The following SPAG7 variants were observed in gnomAD, a reference collection of about 807,000 sequenced individuals.
SPAG7 encodes sperm associated antigen 7, also known as sperm-associated antigen 7.
SPAG7 carries 20 observed loss-of-function variants against 30.6 expected under a neutral mutation model. The observed-to-expected ratio is 0.65, with a 90% CI of 0.46 to 0.95. The LOEUF is 0.95. Ranked by LOEUF, SPAG7 falls within the 40% of genes least tolerant of loss-of-function variation. The pLI, the probability that SPAG7 is intolerant of heterozygous loss-of-function variation, is 0.00. For missense variants in SPAG7, 276 were observed against 291.1 expected (o/e 0.95, Z 0.38); for synonymous variants, 127 against 104.2 (o/e 1.22, Z -1.33).
chr17:4,959,935 G>A lies in SPAG7; in HGVS notation c.418-19C>T, dbSNP rs577157595. On this transcript the variant is annotated intron_variant, in intron 5 of 6. Transcript: ENST00000206020. ...CCAGCTCCTAGGGGTGAAAGTGGGG[G>A]CACTGGTGCTCAGGGCCCCAGCCCA... 8 of 1,612,780 alleles carry A rather than the reference G, an allele frequency of 5.0e-6. No homozygotes were observed. The highest frequency in any genetic ancestry group is 2.2e-5 in the South Asian group (2 of 91,084).
chr17:4,967,566 G>A (rs1183271067), intron 1 of SPAG7, among the ~76,000 whole-genome samples, 154 bp downstream of exon 1: 1 of 152,068 alleles, frequency 6.6e-6, no homozygotes, highest in Non-Finnish European at 1.5e-5. Context: ...TAAGAACAGC[G>A]GGCGTGTCAG....
At chr17:4,964,607 C>T (rs1001602539) in intron 1 of SPAG7, among the ~76,000 whole-genome samples, 3 of 151,934 alleles carry the variant, frequency 2.0e-5, no homozygotes, top group African/African-American at 2.4e-5. Flanking sequence ...ATGATCCACC[C>T]GCCTCGGCCT....
chr17:4,959,937 A>G, intron 5 of SPAG7, 21 bp from the exon 6 acceptor site: 2 of 1,612,792 alleles, frequency 1.2e-6, no homozygotes, highest in Non-Finnish European at 1.7e-6. Flanking sequence ...AAGTGGGGGC[A>G]CTGGTGCTCA....
intron 1 of SPAG7, among the ~76,000 whole-genome samples, chr17:4,962,738 C>CG (rs1971883726): frequency 1.3e-5 from 2 of 151,672 alleles, no homozygotes; most frequent in South Asian, 4.2e-4. Flanking sequence ...TTATTAGAGA[C>CG]GGGGTTTCAC....
intron 1 of SPAG7, among the ~76,000 whole-genome samples, chr17:4,961,565 C>T (rs1447805508): frequency 6.7e-6 from 1 of 148,766 alleles, no homozygotes; most frequent in Non-Finnish European, 1.5e-5. Context: ...ACCATCCTGA[C>T]TAACACGGTG....
At position 4,960,005 on chromosome 17, in the gene SPAG7, T is replaced by C. The variant is rs1971834792; in HGVS notation, c.417+17A>G. 1 of 1,613,826 alleles carries C rather than the reference T, an allele frequency of 6.2e-7. No individual in the cohort carries two copies. The highest frequency in any genetic ancestry group is 8.5e-7 in the Non-Finnish European group (1 of 1,179,922). ...TGGTGGGCTTCTGGACCCCAAGGGCTGCAAAGCATAGCTCACCTTCAGCTT... is the reference window on the plus strand; with the variant it reads ...TGGTGGGCTTCTGGACCCCAAGGGCCGCAAAGCATAGCTCACCTTCAGCTT... On this transcript the variant is annotated intron_variant, in intron 5 of 6. Transcript: ENST00000206020.
chr17:4,964,224 G>A (rs897132802), intron 1 of SPAG7, among the ~76,000 whole-genome samples: 13 of 152,082 alleles, frequency 8.5e-5, no homozygotes, highest in Non-Finnish European at 1.8e-4. Context: ...TTTCTAACCC[G>A]GGCCCTCCAT....
intron 1 of SPAG7, chr17:4,966,979 G>A (rs1399078890): frequency 2.0e-6 from 2 of 985,488 alleles, no homozygotes; most frequent in Non-Finnish European, 2.4e-6. Flanking sequence ...GAGCAGCCCC[G>A]GGGAGGCTCC....
chr17:4,960,380 T>A, intron 3 of SPAG7, 62 bp from the exon 4 acceptor site: 1 of 1,598,714 alleles, frequency 6.3e-7, no homozygotes, highest in Non-Finnish European at 8.6e-7. Context: ...AGTGCCCTCC[T>A]CTGGAGGAGC....
intron 1 of SPAG7, chr17:4,966,877 G>A (rs1292211102): frequency 2.0e-6 from 2 of 985,404 alleles, no homozygotes; most frequent in African/African-American, 3.5e-5. Context: ...GGGGCACGTG[G>A]GGAGCTGGGA....
Position 4,960,081 on chromosome 17 carries a change from A to G in SPAG7, c.358T>C (p.Ser120Pro). The G allele has an allele frequency of 6.2e-7, 1 of 1,614,136 alleles. No individual in the cohort carries two copies. The highest frequency in any genetic ancestry group is 1.1e-5 in the South Asian group (1 of 91,084). The part of the protein sequence containing the change: ...EFAPSDEELD[S>P]YRRGEEWDPQ... ...TCCCATTCCTCTCCACGACGGTAAG[A>G]GTCTAGCTCTTCATCTGAGGGTGCA... is the stretch of plus-strand genomic sequence containing the variant. Residue 120 changes from serine (S) to proline (P), a missense_variant, in exon 5 of 7, where the codon TCT (serine) becomes CCT (proline). Physicochemically the swap from Ser to Pro is moderately conservative, Grantham distance 74 (BLOSUM62 -1). Transcript: ENST00000206020.
chr17:4,960,241 A>G lies in SPAG7; in HGVS notation c.320T>C (p.Phe107Ser). Residue 107 changes from phenylalanine to serine, a missense_variant, in exon 4 of 7, where the codon TTC becomes TCC. Transcript: ENST00000206020. Reference sequence around the variant, plus strand: ...GGAATTCAGGCCCTTTACCTTTTTGAAGATCATGACATAGCGACAGTCATC... The same window carrying G: ...GGAATTCAGGCCCTTTACCTTTTTGGAGATCATGACATAGCGACAGTCATC... ...EDDDCRYVMI[F>S]KKEFAPSDEE... 6.2e-7 allele frequency: 1 copy of G among 1,614,098 alleles called. No individual in the cohort carries two copies. The highest frequency in any genetic ancestry group is 8.5e-7 in the Non-Finnish European group (1 of 1,179,992).
intron 1 of SPAG7, chr17:4,965,844 T>TTATTTATTTATTTATC (rs1444058748): frequency 3.5e-5 from 5 of 143,402 alleles, no homozygotes; most frequent in South Asian, 2.1e-4. Flanking sequence ...ATTTATTTAT[T>TTATTTATTTATTTATC]TATTTATCTA....
chr17:4,959,547 GGCAACTCTTCCCCACTCT>G lies in SPAG7; in HGVS notation c.653_670del (p.Gln218_Leu223del), dbSNP rs2151146654. On this transcript the variant is annotated inframe_deletion, in exon 7 of 7. Coordinates refer to ENST00000206020, the MANE Select transcript of SPAG7 (RefSeq NM_004890.3). ...TGGGCGGGGCGCCTAGGAGGTTGGC[GGCAACTCTTCCCCACTCT>G]GCCGCAGACGCTTCTTGGCTCTGAT... 1 of 1,613,164 alleles carries G rather than the reference GGCAACTCTTCCCCACTCT, an allele frequency of 6.2e-7. No individual in the cohort carries two copies. Among genetic ancestry groups the G allele is most frequent in the East Asian group, 2.2e-5 (1 of 44,880 alleles).
At chr17:4,963,980 T>C (rs1483120539) in intron 1 of SPAG7, among the ~76,000 whole-genome samples, 1 of 152,022 alleles carries the variant, frequency 6.6e-6, no homozygotes, top group African/African-American at 2.4e-5. Flanking sequence ...ACAGAAAACT[T>C]TTTTTAAAAA....
rs1343092575 is a variant in SPAG7, at chr17:4,959,659, A to C, written c.575-16T>G. 2.5e-6 allele frequency: 4 copies of C among 1,613,354 alleles called. No homozygotes were observed. The highest frequency in any genetic ancestry group is 3.4e-6 in the Non-Finnish European group (4 of 1,179,500). On this transcript the variant is annotated splice_polypyrimidine_tract_variant and intron_variant, in intron 6 of 6. Transcript: ENST00000206020. The stretch of plus-strand genomic sequence containing the variant: ...GCCACGGGCACTAGGGGCAGAGAGG[A>C]GGGTAGGGCGGGCCTAGAAATCCGT...
At position 4,960,825 on chromosome 17, in the gene SPAG7, T is replaced by C. The variant is rs751887180; in HGVS notation, c.114A>G (p.Gln38=). ...REQAARLKKL[Q]EQEKQQKVEF... is the part of the protein sequence containing the mutation. ...CCACTTTCTGTTGTTTCTCTTGCTC[T>C]TGTAGTTTCTTCAGGCGGGCGGCCT... Residue 38 remains glutamine (Q), a synonymous_variant, in exon 2 of 7, where the codon CAA becomes CAG. Transcript: ENST00000206020. 1 of 1,614,184 alleles carries C rather than the reference T, an allele frequency of 6.2e-7. No homozygotes were observed. The highest frequency in any genetic ancestry group is 8.5e-7 in the Non-Finnish European group (1 of 1,180,036).
At position 4,960,892 on chromosome 17, in the gene SPAG7, A is replaced by C. The variant is rs762406458; in HGVS notation, c.86-39T>G. 3.1e-6 allele frequency: 5 copies of C among 1,590,596 alleles called. No individual in the cohort carries two copies. In the Admixed American group the frequency reaches 8.3e-5, roughly 27 times the overall value. ...ATGGCAACATGAAGCCAGGGCTGGA[A>C]GCATGGGTGGGAAAGGTTTCTAAGG... On this transcript the variant is annotated intron_variant, in intron 1 of 6. Coordinates refer to ENST00000206020, the MANE Select transcript of SPAG7 (RefSeq NM_004890.3).
Position 4,967,553 on chromosome 17 carries a change from C to T in SPAG7, c.85+167G>A, listed in dbSNP as rs948101647. Reference sequence around the variant, plus strand: ...ATCTTTCAGGTAGCCAATCACTGTCCGCTAAGAACAGCGGGCGTGTCAGCA... The same window carrying T: ...ATCTTTCAGGTAGCCAATCACTGTCTGCTAAGAACAGCGGGCGTGTCAGCA... On this transcript the variant is annotated intron_variant, in intron 1 of 6. Coordinates refer to ENST00000206020, the MANE Select transcript of SPAG7 (RefSeq NM_004890.3). Among the ~76,000 whole-genome samples the T allele has an allele frequency of 4.0e-5, 6 of 151,792 alleles. No homozygotes were observed. The South Asian group carries it at 8.4e-4, about 21-fold the overall frequency.
Sources: gnomAD v4.1 joint callset for allele counts (sites outside exome capture counted in the v4.1 genomes callset) on GRCh38, gnomAD v4.1.1 for gene constraint, MANE v1.5 for transcripts, NCBI Gene and HGNC (gene_info 2026-07-23, HGNC 2026-07-21) for gene names.